Variants in EPHA3 observed in about 807,000 individuals in gnomAD.
EPHA3 encodes EPH receptor A3.
In EPHA3, 42 loss-of-function variants were observed where a neutral mutation model predicts 107.1. The observed-to-expected ratio is 0.39, with a 90% CI of 0.31 to 0.51. EPHA3 has a LOEUF of 0.51. EPHA3 is among the 20% of genes least tolerant of loss of function. EPHA3 has a pLI of 0.78. For synonymous variants in EPHA3, 461 were observed against 424.8 expected, an observed-to-expected ratio of 1.09 and a Z score of -1.05; for missense variants, 1,183 against 1,211.2, an observed-to-expected ratio of 0.98 and a Z score of 0.35.
chr3:89,139,223 C>T (rs1328958321), intron 2 of EPHA3, among the ~76,000 whole-genome samples: 3 of 151,820 alleles, frequency 2.0e-5, no homozygotes, highest in Non-Finnish European at 4.4e-5. Flanking sequence ...AGAATTTTAA[C>T]CATTTTGGAT....
chr3:89,260,807 A>G (rs56352929), intron 3 of EPHA3, among the ~76,000 whole-genome samples: 2,089 of 152,328 alleles, frequency 0.014, 55 homozygotes, highest in African/African-American at 0.047. Flanking sequence ...CACAGTCAAA[A>G]TCACCCTCTG....
chr3:89,203,904 G>C (rs1300349917), intron 2 of EPHA3, among the ~76,000 whole-genome samples: 2 of 152,162 alleles, frequency 1.3e-5, no homozygotes, highest in African/African-American at 4.8e-5. Flanking sequence ...AGAAGACAGA[G>C]AAGAAAAACA....
intron 3 of EPHA3, among the ~76,000 whole-genome samples, chr3:89,269,755 T>TCC (rs375339267): frequency 1.3e-5 from 1 of 77,116 alleles, no homozygotes; most frequent in Non-Finnish European, 2.3e-5. Flanking sequence ...CCCTCCCCCC[T>TCC]CCCCCCACCC....
At chr3:89,422,230 C>CAT (rs1709365541) in intron 11 of EPHA3, among the ~76,000 whole-genome samples, 1 of 145,816 alleles carries the variant, frequency 6.9e-6, no homozygotes, top group Non-Finnish European at 1.5e-5. Context: ...CACACACACA[C>CAT]ACAGAGCGAT....
At chr3:89,300,970 A>G (rs1706473728) in intron 3 of EPHA3, among the ~76,000 whole-genome samples, 1 of 152,122 alleles carries the variant, frequency 6.6e-6, no homozygotes, top group Non-Finnish European at 1.5e-5. Flanking sequence ...AAAGTACCAC[A>G]GATGTCTTCA....
At chr3:89,168,377 T>A (rs1164584535) in intron 2 of EPHA3, among the ~76,000 whole-genome samples, 1 of 152,120 alleles carries the variant, frequency 6.6e-6, no homozygotes, top group Non-Finnish European at 1.5e-5. Flanking sequence ...TTTATGTTAT[T>A]TTTTGTGATT....
In EPHA3 at chr3:89,107,769, C is replaced by A. The variant is rs761960062; in HGVS notation, c.21C>A (p.Ile7=). 1 of 1,614,070 alleles carries A rather than the reference C, an allele frequency of 6.2e-7. No individual in the cohort carries two copies. Among genetic ancestry groups the A allele is most frequent in the Non-Finnish European group, 8.5e-7 (1 of 1,180,032 alleles). The change falls in exon 1 of 17, where the codon ATC becomes ATA. Residue 7 remains isoleucine (I), a synonymous_variant. Transcript: ENST00000336596. MDCQLS[I]LLLLSCSVLD... Reference sequence around the variant, plus strand: ...GCAACATGGATTGTCAGCTCTCCATCCTCCTCCTTCTCAGCTGCTCTGTTC... The same window carrying A: ...GCAACATGGATTGTCAGCTCTCCATACTCCTCCTTCTCAGCTGCTCTGTTC...
At chr3:89,460,668 G>A (rs1299515927) in intron 15 of EPHA3, among the ~76,000 whole-genome samples, 7 of 140,412 alleles carry the variant, frequency 5.0e-5, no homozygotes, top group South Asian at 4.5e-4. Context: ...AAGACAAATC[G>A]AACAACCAAA....
intron 5 of EPHA3, among the ~76,000 whole-genome samples, chr3:89,344,541 G>T (rs937396270): frequency 6.6e-6 from 1 of 152,160 alleles, no homozygotes. Flanking sequence ...ATATAAGCAT[G>T]ATTAGAAGCA....
chr3:89,357,468 TCTTTA>T (rs1162214425), intron 5 of EPHA3, among the ~76,000 whole-genome samples: 2 of 151,142 alleles, frequency 1.3e-5, no homozygotes, highest in African/African-American at 2.4e-5. Flanking sequence ...AATTTTTGCA[TCTTTA>T]CTTTTATTTG....
intron 3 of EPHA3, among the ~76,000 whole-genome samples, chr3:89,284,143 G>A (rs966179937): frequency 6.6e-6 from 1 of 152,064 alleles, no homozygotes; most frequent in African/African-American, 2.4e-5. Context: ...CACATTTGTT[G>A]TTATAGGAAT....
At chr3:89,363,940 C>A (rs1708143337) in intron 5 of EPHA3, among the ~76,000 whole-genome samples, 1 of 150,602 alleles carries the variant, frequency 6.6e-6, no homozygotes, top group Non-Finnish European at 1.5e-5. Context: ...CAAATATATT[C>A]AGTTTGAAAA....
chr3:89,402,246 C>T (rs1294599483), intron 7 of EPHA3, among the ~76,000 whole-genome samples: 4 of 152,078 alleles, frequency 2.6e-5, no homozygotes, highest in Non-Finnish European at 5.9e-5. Flanking sequence ...ATATCTCATT[C>T]GAAAACTGCA....
At chr3:89,251,863 A>G (rs1031033431) in intron 3 of EPHA3, among the ~76,000 whole-genome samples, 8 of 152,136 alleles carry the variant, frequency 5.3e-5, no homozygotes, top group Non-Finnish European at 1.0e-4. Flanking sequence ...ATAATGAGGC[A>G]TTTTACCATT....
chr3:89,158,748 A>C (rs1704858820), intron 2 of EPHA3, among the ~76,000 whole-genome samples: 2 of 152,140 alleles, frequency 1.3e-5, no homozygotes, highest in African/African-American at 4.8e-5. Context: ...AAAGGACCCC[A>C]ATGTGCTAAG....
At chr3:89,394,619 A>G (rs1708811515) in intron 5 of EPHA3, among the ~76,000 whole-genome samples, 1 of 152,326 alleles carries the variant, frequency 6.6e-6, no homozygotes, top group African/African-American at 2.4e-5. Flanking sequence ...GTGTTTATAG[A>G]TAGGAAAGTT....
intron 5 of EPHA3, among the ~76,000 whole-genome samples, chr3:89,392,074 GTCATCAACTTCTTTC>G (rs1708755079): frequency 6.6e-6 from 1 of 152,168 alleles, no homozygotes; most frequent in African/African-American, 2.4e-5. Context: ...ATCCTATTCT[GTCATCAACTTCTTTC>G]TCTTAATAGG....
At chr3:89,335,466 A>T (rs1707373822) in intron 3 of EPHA3, among the ~76,000 whole-genome samples, 1 of 152,186 alleles carries the variant, frequency 6.6e-6, no homozygotes, top group Non-Finnish European at 1.5e-5. Context: ...CATTCACATC[A>T]TAGCAAGTGT....
intron 3 of EPHA3, among the ~76,000 whole-genome samples, chr3:89,301,880 A>G (rs1425658744): frequency 1.3e-5 from 2 of 152,132 alleles, no homozygotes; most frequent in Non-Finnish European, 2.9e-5. Context: ...AAAAAATGGC[A>G]GGGACATAGG....
Sources: gnomAD v4.1 joint callset for allele counts (sites outside exome capture counted in the v4.1 genomes callset) on GRCh38, gnomAD v4.1.1 for gene constraint, MANE v1.5 for transcripts, NCBI Gene and HGNC (gene_info 2026-07-23, HGNC 2026-07-21) for gene names.